CHCHD3: variants seen among roughly 807,000 people sequenced by gnomAD.
CHCHD3 encodes the protein MICOS complex subunit MIC19.
In CHCHD3, 20 loss-of-function variants were observed where a neutral mutation model predicts 38.2. The ratio of observed to expected loss-of-function variants is 0.52; its 90% CI spans 0.37 to 0.76. CHCHD3 has a LOEUF of 0.76. Ranked by LOEUF, CHCHD3 falls within the 30% of genes least tolerant of loss-of-function variation. The pLI is 0.00. For synonymous variants in CHCHD3, 82 were observed against 100.0 expected (o/e 0.82, Z 1.07); for missense variants, 245 against 279.2 (o/e 0.88, Z 0.87).
intron 5 of CHCHD3, among the ~76,000 whole-genome samples, chr7:132,878,656 C>T (rs1450112947): frequency 3.3e-5 from 5 of 152,178 alleles, no homozygotes; most frequent in Non-Finnish European, 7.4e-5. Context: ...ATGCAAATTG[C>T]TGCTGAAATC....
At chr7:132,857,996 C>T (rs1044960519) in intron 5 of CHCHD3, among the ~76,000 whole-genome samples, 1 of 152,150 alleles carries the variant, frequency 6.6e-6, no homozygotes, top group African/African-American at 2.4e-5. Flanking sequence ...TGTCTGTATT[C>T]CTCTATGCTG....
chr7:132,935,306 C>G (rs905056998), intron 4 of CHCHD3, among the ~76,000 whole-genome samples: 1 of 152,212 alleles, frequency 6.6e-6, no homozygotes, highest in African/African-American at 2.4e-5. Context: ...CACTGACTCT[C>G]AGTGATTTTT....
At chr7:132,898,115 G>A (rs894179227) in intron 4 of CHCHD3, among the ~76,000 whole-genome samples, 3 of 152,116 alleles carry the variant, frequency 2.0e-5, no homozygotes, top group African/African-American at 7.2e-5. Context: ...GCAGACCTTC[G>A]CGGTGAGTGT....
chr7:132,975,071 T>G, intron 4 of CHCHD3, 98 bp downstream of exon 4: 2 of 914,218 alleles, frequency 2.2e-6, no homozygotes, highest in South Asian at 2.9e-5. Flanking sequence ...TGAATAATAT[T>G]ATCAACACTA....
In CHCHD3 at chr7:132,865,731, G is replaced by A. The variant is rs565309855; in HGVS notation, c.453+19931C>T. The stretch of plus-strand genomic sequence containing the variant: ...GAGCTTCCTGCTTCTAACGAGCAAA[G>A]GCAGCCCCCGAGCTTCTACCACTGT... On this transcript the variant is annotated intron_variant, in intron 5 of 7. Transcript: ENST00000262570. Among the ~76,000 whole-genome samples, 7 of 152,132 alleles carry A rather than the reference G, an allele frequency of 4.6e-5. No individual in the cohort carries two copies. The East Asian group carries it at 1.3e-3, about 29-fold the overall frequency.
chr7:133,066,892 T>G (rs1814685376), intron 2 of CHCHD3, among the ~76,000 whole-genome samples: 1 of 152,184 alleles, frequency 6.6e-6, no homozygotes, highest in Admixed American at 6.5e-5. Flanking sequence ...AGAACATCAC[T>G]AAAAAGCAGC....
intron 4 of CHCHD3, among the ~76,000 whole-genome samples, chr7:132,889,805 G>A (rs780981467): frequency 1.1e-4 from 17 of 152,278 alleles, no homozygotes; most frequent in South Asian, 1.0e-3. Context: ...CATTGACTAA[G>A]CTAATAGCTG....
At chr7:133,015,348 T>TTAAA (rs3049326) in intron 3 of CHCHD3, among the ~76,000 whole-genome samples, 25,584 of 143,780 alleles carry the variant, frequency 0.18, 2,909 homozygotes, top group African/African-American at 0.28. Context: ...GTCTCAAAAA[T>TTAAA]TAAATAAATA....
At chr7:132,915,754 C>A (rs1285100021) in intron 4 of CHCHD3, among the ~76,000 whole-genome samples, 2 of 152,070 alleles carry the variant, frequency 1.3e-5, no homozygotes, top group Non-Finnish European at 2.9e-5. Flanking sequence ...GAGAAGATTT[C>A]CTATCCCTGA....
intron 5 of CHCHD3, among the ~76,000 whole-genome samples, chr7:132,873,700 G>A (rs900970296): frequency 6.6e-6 from 1 of 151,846 alleles, no homozygotes; most frequent in Non-Finnish European, 1.5e-5. Context: ...CCAGGTTTTG[G>A]GATAATATAT....
intron 5 of CHCHD3, among the ~76,000 whole-genome samples, chr7:132,857,281 C>G (rs927693545): frequency 6.6e-6 from 1 of 152,180 alleles, no homozygotes; most frequent in African/African-American, 2.4e-5. Flanking sequence ...GTGTAAAGAC[C>G]TTCCAGGTCA....
chr7:132,821,135 T>C (rs560559717), intron 6 of CHCHD3, among the ~76,000 whole-genome samples: 15 of 152,308 alleles, frequency 9.8e-5, no homozygotes, highest in African/African-American at 2.4e-4. Context: ...TAGGGAAATA[T>C]ATATTAGATC....
chr7:133,068,335 A>G (rs1433184815), intron 2 of CHCHD3, among the ~76,000 whole-genome samples: 1 of 152,184 alleles, frequency 6.6e-6, no homozygotes, highest in Non-Finnish European at 1.5e-5. Context: ...TGAACAAACA[A>G]ATGAGGAATA....
chr7:132,951,000 A>G (rs1811024414), intron 4 of CHCHD3, among the ~76,000 whole-genome samples: 1 of 152,206 alleles, frequency 6.6e-6, no homozygotes, highest in South Asian at 2.1e-4. Context: ...CATCTATCAT[A>G]AAGTACTCCG....
At chr7:132,900,079 T>C (rs1233589971) in intron 4 of CHCHD3, among the ~76,000 whole-genome samples, 1 of 152,184 alleles carries the variant, frequency 6.6e-6, no homozygotes, top group African/African-American at 2.4e-5. Context: ...GCACCAGCAG[T>C]GGGTTTGCAA....
intron 4 of CHCHD3, among the ~76,000 whole-genome samples, chr7:132,915,734 G>A (rs1402276409): frequency 6.6e-6 from 1 of 152,002 alleles, no homozygotes; most frequent in Non-Finnish European, 1.5e-5. Context: ...ATAATTCATA[G>A]TACTTAAGAG....
At chr7:132,902,564 A>G (rs1319277680) in intron 4 of CHCHD3, among the ~76,000 whole-genome samples, 2 of 152,176 alleles carry the variant, frequency 1.3e-5, no homozygotes, top group African/African-American at 4.8e-5. Context: ...AAACTATCAC[A>G]AGGACAGAAA....
chr7:132,816,193 A>C (rs967658551), intron 6 of CHCHD3, among the ~76,000 whole-genome samples: 6 of 152,210 alleles, frequency 3.9e-5, no homozygotes, highest in Admixed American at 1.3e-4. Flanking sequence ...ACAGTTTCTG[A>C]AAATAATAGA....
intron 4 of CHCHD3, among the ~76,000 whole-genome samples, chr7:132,918,788 T>C (rs1031915314): frequency 1.5e-4 from 23 of 152,188 alleles, no homozygotes; most frequent in Non-Finnish European, 3.1e-4. Flanking sequence ...TTATTTTTCA[T>C]AGAAACAGCT....
Sources: gnomAD v4.1 joint callset for allele counts (sites outside exome capture counted in the v4.1 genomes callset) on GRCh38, gnomAD v4.1.1 for gene constraint, MANE v1.5 for transcripts, NCBI Gene and HGNC (gene_info 2026-07-23, HGNC 2026-07-21) for gene names.